The following CTNNA3 variants were observed in gnomAD, a reference collection of about 807,000 sequenced individuals.
The protein encoded by CTNNA3 is catenin alpha 3.
A neutral mutation model predicts 95.7 loss-of-function variants in CTNNA3; 76 were observed. That is an observed-to-expected ratio of 0.79 (90% CI 0.66 to 0.96). CTNNA3 has a LOEUF of 0.96. Among genes scored for constraint, CTNNA3 ranks in the 40% least tolerant of loss-of-function variants. The pLI is 0.00. For missense variants in CTNNA3, 1,191 were observed against 1,089.8 expected (o/e 1.09, Z -1.31); for synonymous variants, 431 against 374.4 (o/e 1.15, Z -1.74).
At chr10:66,197,766 T>C (rs1360098154) in intron 13 of CTNNA3, among the ~76,000 whole-genome samples, 4 of 152,088 alleles carry the variant, frequency 2.6e-5, no homozygotes, top group Non-Finnish European at 5.9e-5. Flanking sequence ...GCAAGACTAG[T>C]AAAGGCCAGC....
At chr10:66,834,002 T>G (rs1842812587) in intron 7 of CTNNA3, among the ~76,000 whole-genome samples, 1 of 152,168 alleles carries the variant, frequency 6.6e-6, no homozygotes, top group Non-Finnish European at 1.5e-5. Flanking sequence ...ATTGGGAAGG[T>G]ACCTTATCAA....
intron 9 of CTNNA3, among the ~76,000 whole-genome samples, chr10:66,723,672 C>T (rs1362403742): frequency 6.6e-6 from 1 of 152,066 alleles, no homozygotes; most frequent in Non-Finnish European, 1.5e-5. Flanking sequence ...CAGTTAATAG[C>T]CTGTGTTGTC....
At chr10:66,358,451 A>G (rs2092628210) in intron 12 of CTNNA3, among the ~76,000 whole-genome samples, 1 of 152,076 alleles carries the variant, frequency 6.6e-6, no homozygotes, top group African/African-American at 2.4e-5. Context: ...GTCCTCCAAG[A>G]TTTGCTTTAA....
intron 5 of CTNNA3, among the ~76,000 whole-genome samples, chr10:67,248,671 C>A (rs1865994576): frequency 6.6e-6 from 1 of 152,128 alleles, no homozygotes; most frequent in African/African-American, 2.4e-5. Context: ...AAGCGATCTG[C>A]CAGCCTCAGC....
intron 7 of CTNNA3, among the ~76,000 whole-genome samples, chr10:66,857,913 C>T (rs1473599782): frequency 1.3e-5 from 2 of 152,010 alleles, no homozygotes; most frequent in Non-Finnish European, 2.9e-5. Context: ...TCTTGCCTGA[C>T]TGGTCTGGCT....
intron 3 of CTNNA3, among the ~76,000 whole-genome samples, chr10:67,549,042 T>C (rs1444799962): frequency 1.3e-5 from 2 of 152,282 alleles, no homozygotes; most frequent in Admixed American, 1.3e-4. Flanking sequence ...TATTAAAGCA[T>C]AATTAAAGAT....
chr10:67,409,268 A>G (rs1304518890), intron 5 of CTNNA3, among the ~76,000 whole-genome samples: 1 of 152,176 alleles, frequency 6.6e-6, no homozygotes, highest in Admixed American at 6.5e-5. Context: ...TCATGCTACT[A>G]TAAAGACGCA....
At chr10:66,554,504 A>G (rs1253265722) in intron 10 of CTNNA3, among the ~76,000 whole-genome samples, 1 of 152,078 alleles carries the variant, frequency 6.6e-6, no homozygotes, top group Non-Finnish European at 1.5e-5. Context: ...AACTTCTCCT[A>G]TTTTTAATAG....
At chr10:66,591,106 G>T (rs542064604) in intron 10 of CTNNA3, among the ~76,000 whole-genome samples, 1 of 152,254 alleles carries the variant, frequency 6.6e-6, no homozygotes, top group African/African-American at 2.4e-5. Flanking sequence ...AAGCGGGAAA[G>T]AACAGAACAT....
At chr10:67,314,916 C>G (rs1341803014) in intron 5 of CTNNA3, among the ~76,000 whole-genome samples, 1 of 152,016 alleles carries the variant, frequency 6.6e-6, no homozygotes. Flanking sequence ...TCTAAGTGGC[C>G]CATTCCAATG....
At chr10:66,399,110 T>C (rs1205314283) in intron 11 of CTNNA3, among the ~76,000 whole-genome samples, 1 of 152,022 alleles carries the variant, frequency 6.6e-6, no homozygotes, top group Non-Finnish European at 1.5e-5. Context: ...TGCTTAAGGT[T>C]AGATGTAAAA....
At chr10:67,394,386 A>G (rs906059652) in intron 5 of CTNNA3, among the ~76,000 whole-genome samples, 1 of 152,114 alleles carries the variant, frequency 6.6e-6, no homozygotes, top group African/African-American at 2.4e-5. Context: ...GTATTGTAAA[A>G]TACATAAAAT....
chr10:66,792,076 G>GC (rs1378643396), intron 7 of CTNNA3, among the ~76,000 whole-genome samples: 1 of 152,076 alleles, frequency 6.6e-6, no homozygotes, highest in Non-Finnish European at 1.5e-5. Context: ...TTCATCATTT[G>GC]CATGAATAGC....
chr10:66,838,563 TA>T (rs1282238240), intron 7 of CTNNA3, among the ~76,000 whole-genome samples: 4 of 152,014 alleles, frequency 2.6e-5, no homozygotes, highest in African/African-American at 9.7e-5. Context: ...AATAAATAAA[TA>T]AAATGCCTTC....
intron 10 of CTNNA3, among the ~76,000 whole-genome samples, chr10:66,563,245 T>C (rs1842607302): frequency 3.3e-5 from 5 of 152,160 alleles, no homozygotes; most frequent in Admixed American, 3.3e-4. Context: ...TCACCACAGC[T>C]GTTTCAGATT....
intron 11 of CTNNA3, among the ~76,000 whole-genome samples, chr10:66,442,309 AC>A (rs1373245692): frequency 1.3e-5 from 2 of 151,846 alleles, no homozygotes; most frequent in Admixed American, 6.6e-5. Flanking sequence ...CCTGGAACCA[AC>A]CCCCCATGGA....
chr10:67,602,991 C>T (rs1339367147), intron 3 of CTNNA3, among the ~76,000 whole-genome samples: 1 of 152,130 alleles, frequency 6.6e-6, no homozygotes. Flanking sequence ...TGTGATGTGT[C>T]AGGCATTGGT....
intron 9 of CTNNA3, among the ~76,000 whole-genome samples, chr10:66,678,495 G>C (rs1342607288): frequency 6.6e-6 from 1 of 152,098 alleles, no homozygotes; most frequent in Non-Finnish European, 1.5e-5. Context: ...CTGCCCTTAA[G>C]TTGTCTAGAG....
intron 9 of CTNNA3, among the ~76,000 whole-genome samples, chr10:66,724,426 T>C (rs1301778689): frequency 1.3e-5 from 2 of 152,188 alleles, no homozygotes; most frequent in East Asian, 1.9e-4. Context: ...TCTGAACTAA[T>C]AAAGAGGAAC....
Sources: allele counts gnomAD v4.1 joint callset (sites outside exome capture counted in the v4.1 genomes callset), GRCh38; gene constraint gnomAD v4.1.1; transcripts MANE v1.5; gene names NCBI Gene and HGNC (gene_info 2026-07-23, HGNC 2026-07-21).